TMTC2: variants seen among roughly 807,000 people sequenced by gnomAD.
TMTC2 encodes the protein transmembrane O-mannosyltransferase targeting cadherins 2.
Under a neutral mutation model 82.4 loss-of-function variants are expected in TMTC2, and 43 were observed. That is an observed-to-expected ratio of 0.52 (90% CI 0.41 to 0.67). The LOEUF (loss-of-function observed/expected upper bound fraction) is 0.67, where lower values mean the gene tolerates loss of function less well. TMTC2 is among the 30% of genes least tolerant of loss of function. TMTC2 has a pLI of 0.00. For synonymous variants in TMTC2, 408 were observed against 381.9 expected, an observed-to-expected ratio of 1.07 and a Z score of -0.80; for missense variants, 919 against 1,012.4, an observed-to-expected ratio of 0.91 and a Z score of 1.25.
At chr12:82,708,685 C>T (rs532019450) in intron 1 of TMTC2, among the ~76,000 whole-genome samples, 1 of 152,172 alleles carries the variant, frequency 6.6e-6, no homozygotes, top group Non-Finnish European at 1.5e-5. Flanking sequence ...GCTGCTTCTA[C>T]GATGCTCGAG....
chr12:82,879,608 G>C (rs1214233029), intron 2 of TMTC2, among the ~76,000 whole-genome samples: 1 of 152,192 alleles, frequency 6.6e-6, no homozygotes. Context: ...TTACAGCATA[G>C]AACCCTGGAT....
chr12:82,787,041 CA>C (rs1349243717), intron 1 of TMTC2, among the ~76,000 whole-genome samples: 2 of 152,086 alleles, frequency 1.3e-5, no homozygotes, highest in African/African-American at 4.8e-5. Context: ...AGAGCTTTAT[CA>C]GGCTGTTTCT....
intron 1 of TMTC2, among the ~76,000 whole-genome samples, chr12:82,850,674 A>G (rs1247827827): frequency 6.6e-6 from 1 of 152,170 alleles, no homozygotes; most frequent in African/African-American, 2.4e-5. Flanking sequence ...ATAAATGCTT[A>G]TTGTCTTTTT....
At chr12:83,097,669 A>G (rs1451396416) in intron 11 of TMTC2, among the ~76,000 whole-genome samples, 1 of 152,232 alleles carries the variant, frequency 6.6e-6, no homozygotes, top group African/African-American at 2.4e-5. Context: ...GATGCATGCT[A>G]TATTTATAAG....
chr12:83,115,725 G>A (rs1166528904), intron 11 of TMTC2, among the ~76,000 whole-genome samples: 1 of 151,982 alleles, frequency 6.6e-6, no homozygotes, highest in Non-Finnish European at 1.5e-5. Context: ...GTGGTGATTT[G>A]TGAGATACTG....
chr12:83,060,775 C>T (rs921847343), intron 10 of TMTC2, among the ~76,000 whole-genome samples: 9 of 151,712 alleles, frequency 5.9e-5, no homozygotes, highest in Non-Finnish European at 5.9e-5. Flanking sequence ...TATTAAAGAA[C>T]GACTGGCTGG....
intron 1 of TMTC2, among the ~76,000 whole-genome samples, chr12:82,784,912 G>C (rs896520314): frequency 1.3e-5 from 2 of 151,748 alleles, no homozygotes; most frequent in Non-Finnish European, 2.9e-5. Context: ...TTGTTTGTTT[G>C]GTTTTGGTTC....
chr12:82,808,065 G>A (rs1398211144), intron 1 of TMTC2, among the ~76,000 whole-genome samples: 3 of 151,694 alleles, frequency 2.0e-5, no homozygotes. Flanking sequence ...TTAAAAAACT[G>A]AATCTTAAAT....
At chr12:82,849,173 G>A (rs1388613429) in intron 1 of TMTC2, among the ~76,000 whole-genome samples, 1 of 152,094 alleles carries the variant, frequency 6.6e-6, no homozygotes, top group Non-Finnish European at 1.5e-5. Flanking sequence ...TCTATCCATA[G>A]CATGCATAAT....
intron 4 of TMTC2, among the ~76,000 whole-genome samples, chr12:82,962,438 A>G (rs1299970752): frequency 3.3e-5 from 5 of 152,074 alleles, no homozygotes. Context: ...CAGAGTAAAG[A>G]GCCTTAGAAA....
intron 2 of TMTC2, among the ~76,000 whole-genome samples, chr12:82,864,823 A>G (rs1648180518): frequency 6.6e-6 from 1 of 151,868 alleles, no homozygotes; most frequent in South Asian, 2.1e-4. Flanking sequence ...CATTAAATAA[A>G]AAACGTTTAT....
At position 82,896,119 on chromosome 12, in the gene TMTC2, G is replaced by C; in HGVS notation, c.956G>C (p.Gly319Ala). Reference protein sequence around the residue: ...RNLHTVAFYTGLLLLAYYGLK... With the variant: ...RNLHTVAFYTALLLLAYYGLK... ...CTACACACTGTGGCCTTCTATACTG[G>C]ACTCCTTCTCCTTGCCTACTATGGT... Residue 319 changes from glycine (G) to alanine (A), a missense_variant, in exon 3 of 12, where the codon GGA becomes GCA. By Grantham distance (60) the Gly-to-Ala change is moderately conservative. Transcript: ENST00000321196. 1.9e-6 allele frequency: 3 copies of C among 1,613,866 alleles called. No individual in the cohort carries two copies. The highest frequency in any genetic ancestry group is 2.5e-6 in the Non-Finnish European group (3 of 1,179,984).
chr12:82,995,384 A>T (rs1338833315), intron 8 of TMTC2, among the ~76,000 whole-genome samples: 1 of 152,102 alleles, frequency 6.6e-6, no homozygotes, highest in Non-Finnish European at 1.5e-5. Flanking sequence ...CTGTTCTAAG[A>T]TGTGAAGGTC....
rs1878124889 is a variant in TMTC2 at position 82,965,030 on chromosome 12, A to G, written c.1605A>G (p.Leu535=). 8 of 1,611,616 alleles carry G rather than the reference A, an allele frequency of 5.0e-6. No individual in the cohort carries two copies. Among genetic ancestry groups the G allele is most frequent in the Non-Finnish European group, 6.8e-6 (8 of 1,178,514 alleles). Reference sequence around the variant, plus strand: ...TTCTGTTTTCCTCATGCAGAGGGCTACTTCTCCAGGAGAACAGCAGGTTTG... The same window carrying G: ...TTCTGTTTTCCTCATGCAGAGGGCTGCTTCTCCAGGAGAACAGCAGGTTTG... The part of the protein sequence containing the change: ...NMADMLYNLG[L]LLQENSRFAE... The change falls in exon 5 of 12, where the codon CTA becomes CTG. Residue 535 remains leucine, a synonymous_variant. Transcript: ENST00000321196.
chr12:82,693,691 C>T lies in TMTC2; in HGVS notation c.83+6022C>T, dbSNP rs147195574. 5.3e-3 allele frequency among the ~76,000 whole-genome samples: 805 copies of T among 151,904 alleles called. 8 individuals carry two copies. The highest frequency in any genetic ancestry group is 0.018 in the African/African-American group (754 of 41,414). Reference sequence around the variant, plus strand: ...AGGTTTCTAGAATAAAAGGTGTGGCCGGGCGCGGTGGCTCACGCCTGTAAT... The same window carrying T: ...AGGTTTCTAGAATAAAAGGTGTGGCTGGGCGCGGTGGCTCACGCCTGTAAT... On this transcript the variant is annotated intron_variant, in intron 1 of 11. Coordinates refer to ENST00000321196, the MANE Select transcript of TMTC2 (RefSeq NM_152588.3).
At chr12:82,735,689 G>A (rs963976112) in intron 1 of TMTC2, among the ~76,000 whole-genome samples, 1 of 151,400 alleles carries the variant, frequency 6.6e-6, no homozygotes, top group South Asian at 2.1e-4. Flanking sequence ...TATCTTGGTC[G>A]GGTGCGGTGG....
At chr12:82,722,793 G>A (rs891776582) in intron 1 of TMTC2, among the ~76,000 whole-genome samples, 2 of 152,054 alleles carry the variant, frequency 1.3e-5, no homozygotes, top group African/African-American at 4.8e-5. Flanking sequence ...GAATGCTGCT[G>A]CCTCAAGAAT....
At chr12:82,850,777 C>T (rs927249324) in intron 1 of TMTC2, among the ~76,000 whole-genome samples, 1 of 151,506 alleles carries the variant, frequency 6.6e-6, no homozygotes, top group African/African-American at 2.4e-5. Context: ...ATGAAAATAA[C>T]ACAGTGGGCA....
chr12:82,940,588 G>A (rs965751133), intron 4 of TMTC2, among the ~76,000 whole-genome samples: 1 of 149,842 alleles, frequency 6.7e-6, no homozygotes, highest in African/African-American at 2.4e-5. Flanking sequence ...CTTTCTTGGA[G>A]TTTTCCCAAA....
Sources: gnomAD v4.1 joint callset for allele counts (sites outside exome capture counted in the v4.1 genomes callset) on GRCh38, gnomAD v4.1.1 for gene constraint, MANE v1.5 for transcripts, NCBI Gene and HGNC (gene_info 2026-07-23, HGNC 2026-07-21) for gene names.